Variants in LMBR1L observed in about 807,000 individuals in gnomAD.
LMBR1L encodes the protein limb development membrane protein 1 like.
In LMBR1L, 47 loss-of-function variants were observed where a neutral mutation model predicts 67.3. The ratio of observed to expected loss-of-function variants is 0.70; its 90% confidence interval spans 0.55 to 0.89. The LOEUF (loss-of-function observed/expected upper bound fraction) is 0.89. LMBR1L is among the 40% of genes least tolerant of loss of function. LMBR1L has a pLI of 0.00. For synonymous variants in LMBR1L, 247 were observed against 250.3 expected, an observed-to-expected ratio of 0.99 and a Z score of 0.13; for missense variants, 533 against 599.2, an observed-to-expected ratio of 0.89 and a Z score of 1.15.
intron 2 of LMBR1L, 100 bp downstream of exon 2, chr12:49,106,861 A>G (rs1592224813): frequency 9.6e-7 from 1 of 1,037,084 alleles, no homozygotes; most frequent in Non-Finnish European, 1.5e-6. Flanking sequence ...ACAGCCCCAC[A>G]CAGCCACTGC....
intron 1 of LMBR1L, chr12:49,109,882 C>T: frequency 2.5e-6 from 1 of 404,070 alleles, no homozygotes; most frequent in Non-Finnish European, 4.9e-6. Flanking sequence ...GGAACCCAGC[C>T]TTGCAGGGTT....
intron 1 of LMBR1L, among the ~76,000 whole-genome samples, chr12:49,107,349 T>C (rs1441835859): frequency 1.3e-5 from 2 of 152,178 alleles, no homozygotes; most frequent in Non-Finnish European, 2.9e-5. Flanking sequence ...GGTTGGTAAA[T>C]GGGCAAAGAA....
intron 1 of LMBR1L, chr12:49,110,168 C>T (rs1941375487): frequency 1.8e-6 from 1 of 570,608 alleles, no homozygotes. Flanking sequence ...CAGACTAAGG[C>T]AGACTCCGCA....
intron 11 of LMBR1L, 26 bp downstream of exon 11, chr12:49,102,094 C>T: frequency 6.2e-7 from 1 of 1,609,466 alleles, no homozygotes; most frequent in Non-Finnish European, 8.5e-7. Context: ...GGGTCCACTC[C>T]TCACCTCTAG....
At chr12:49,097,794 G>T in intron 16 of LMBR1L, 55 bp from the exon 17 acceptor site, 2 of 1,609,628 alleles carry the variant, frequency 1.2e-6, no homozygotes, top group South Asian at 2.2e-5. Context: ...GTCCGTTAGG[G>T]ACCAGGCAGC....
At chr12:49,107,264 A>G (rs1941027364) in intron 1 of LMBR1L, among the ~76,000 whole-genome samples, 1 of 152,202 alleles carries the variant, frequency 6.6e-6, no homozygotes, top group Admixed American at 6.5e-5. Flanking sequence ...GGGCTGCCCC[A>G]TGCACCTGGG....
At position 49,110,605 on chromosome 12, in the gene LMBR1L, C is replaced by A. The variant is rs567938566; in HGVS notation, c.-50G>T. On this transcript the variant is annotated 5_prime_UTR_variant, in exon 1 of 17. Transcript: ENST00000267102. ...GAGGTGCCTCTGGGCCCGGGGAGGA[C>A]GAGCGGGGAGGAAGCCGCCGCCGCC... The A allele has an allele frequency of 6.4e-7, 1 of 1,568,030 alleles. No homozygotes were observed. Among genetic ancestry groups the A allele is most frequent in the African/African-American group, 1.4e-5 (1 of 74,004 alleles).
chr12:49,110,449 A>G lies in LMBR1L; in HGVS notation c.72+35T>C, dbSNP rs1235401763. On this transcript the variant is annotated intron_variant, in intron 1 of 16. Transcript: ENST00000267102. ...GACCCCAACCTCCCCGTCTCCCGCA[A>G]CCCCCGCTTCTCCTCGCCGGGGCCC... 3 of 1,602,874 alleles carry G rather than the reference A, an allele frequency of 1.9e-6. No homozygotes were observed. In the African/African-American group the frequency reaches 4.0e-5, roughly 22 times the overall value.
chr12:49,102,509 C>A lies in LMBR1L; in HGVS notation c.728G>T (p.Cys243Phe). Residue 243 changes from cysteine to phenylalanine, a missense_variant, in exon 9 of 17, where the codon TGC becomes TTC. By Grantham distance (205) the Cys-to-Phe change is radical. Transcript: ENST00000267102. ...CAGGGCTGCCTCCTCAAAGGCTGAG[C>A]AGTACAGCTGCTCCTCCAGGTCTTC... is the stretch of plus-strand genomic sequence containing the variant. ...LLEDLEEQLY[C>F]SAFEEAALTR... 3 of 1,614,158 alleles carry A rather than the reference C, an allele frequency of 1.9e-6. No homozygotes were observed. In the East Asian group the frequency reaches 6.7e-5, roughly 36 times the overall value.
At chr12:49,104,693 A>C in intron 4 of LMBR1L, 53 bp downstream of exon 4, 1 of 1,609,248 alleles carries the variant, frequency 6.2e-7, no homozygotes, top group Non-Finnish European at 8.5e-7. Flanking sequence ...ACCCAACTCT[A>C]TCTGCTCTCT....
At chr12:49,100,739 T>A in intron 13 of LMBR1L, 93 bp from the exon 14 acceptor site, 1 of 983,942 alleles carries the variant, frequency 1.0e-6, no homozygotes, top group Non-Finnish European at 1.5e-6. Flanking sequence ...CTTCTTTTTT[T>A]TTTTTTGAGA....
Position 49,103,211 on chromosome 12 carries a change from C to T in LMBR1L, c.563-52G>A, listed in dbSNP as rs184585215. Reference sequence around the variant, plus strand: ...AGCTCATCTCTCCTTACTTACTGTCCCCAGGCTGACAGGCCTCAGAGTCTA... The same window carrying T: ...AGCTCATCTCTCCTTACTTACTGTCTCCAGGCTGACAGGCCTCAGAGTCTA... On this transcript the variant is annotated intron_variant, in intron 6 of 16. Transcript: ENST00000267102. 1.1e-4 allele frequency: 170 copies of T among 1,495,654 alleles called. 2 individuals carry two copies. In the East Asian group the frequency reaches 3.7e-3, roughly 32 times the overall value. The allele number at this position is 1,495,654 out of a possible 1,614,324, so 92.6% of individuals were successfully genotyped here. A position where few individuals can be genotyped will look rare whatever the true frequency, so the allele number is the denominator to read the frequency against.
intron 1 of LMBR1L, chr12:49,109,788 G>A (rs751754100): frequency 1.2e-4 from 55 of 454,416 alleles, no homozygotes; most frequent in Middle Eastern, 3.2e-4. Context: ...GTGGCAGGGA[G>A]GGCGTAAGGA....
At chr12:49,102,669 G>A in intron 8 of LMBR1L, 129 bp from the exon 9 acceptor site, 2 of 1,013,866 alleles carry the variant, frequency 2.0e-6, no homozygotes, top group South Asian at 3.0e-5. Context: ...CCACCCTGTG[G>A]CCCGCAGCTT....
chr12:49,103,999 G>C (rs1478215978), intron 5 of LMBR1L, 186 bp from the exon 6 acceptor site: 1 of 583,580 alleles, frequency 1.7e-6, no homozygotes, highest in Non-Finnish European at 2.9e-6. Flanking sequence ...CACATACCAG[G>C]TGTTCTTCAT....
At chr12:49,105,804 G>A (rs1940821168) in intron 3 of LMBR1L, 120 bp downstream of exon 3, 5 of 774,284 alleles carry the variant, frequency 6.5e-6, no homozygotes, top group Admixed American at 2.9e-5. Context: ...GAAATGGGGT[G>A]GAAACAGAAA....
In LMBR1L at chr12:49,105,919, C is replaced by T. The variant is rs527803513; in HGVS notation, c.191+5G>A. 48 of 1,612,398 alleles carry T rather than the reference C, an allele frequency of 3.0e-5. No individual in the cohort carries two copies. Among genetic ancestry groups the T allele is most frequent in the South Asian group, 6.6e-5 (6 of 90,796 alleles). On this transcript the variant is annotated splice_donor_5th_base_variant and intron_variant, in intron 3 of 16. Transcript: ENST00000267102. Reference sequence around the variant, plus strand: ...GATGTTAGGTGCTGAGGCAGGGACACTTACGCAATCTTGTTGACGGTGGCA... The same window carrying T: ...GATGTTAGGTGCTGAGGCAGGGACATTTACGCAATCTTGTTGACGGTGGCA...
intron 5 of LMBR1L, chr12:49,104,081 C>G: frequency 2.0e-6 from 1 of 490,646 alleles, no homozygotes; most frequent in South Asian, 3.0e-5. Context: ...AGGTCTGCAT[C>G]CCACAAGCTC....
Position 49,110,559 on chromosome 12 carries a change from C to G in LMBR1L, c.-4G>C. Reference sequence around the variant, plus strand: ...CTTCGTAGTCAGGTGCTTCCATACTCTGCTCAGCATGACTGAAGCCGAGGT... The same window carrying G: ...CTTCGTAGTCAGGTGCTTCCATACTGTGCTCAGCATGACTGAAGCCGAGGT... On this transcript the variant is annotated 5_prime_UTR_variant, in exon 1 of 17. Coordinates refer to ENST00000267102, the MANE Select transcript of LMBR1L (RefSeq NM_018113.4). 1.9e-6 allele frequency: 3 copies of G among 1,613,972 alleles called. No homozygotes were observed. Among genetic ancestry groups the G allele is most frequent in the Non-Finnish European group, 2.5e-6 (3 of 1,179,870 alleles).
Sources: allele counts gnomAD v4.1 joint callset (sites outside exome capture counted in the v4.1 genomes callset), GRCh38; gene constraint gnomAD v4.1.1; transcripts MANE v1.5; gene names NCBI Gene and HGNC (gene_info 2026-07-23, HGNC 2026-07-21).